Variants in PDZRN4 observed in about 807,000 individuals in gnomAD.
PDZRN4 encodes the protein PDZ domain containing ring finger 4, also known as PDZ domain-containing RING finger protein 4.
PDZRN4 carries 70 observed loss-of-function variants against 99.0 expected under a neutral mutation model. The ratio of observed to expected loss-of-function variants is 0.71; its 90% CI spans 0.58 to 0.86. The LOEUF is 0.86. Among genes scored for constraint, PDZRN4 ranks in the 40% least tolerant of loss-of-function variants. The pLI, the probability that PDZRN4 is intolerant of heterozygous loss-of-function variation, is 0.00. For synonymous variants in PDZRN4, 551 were observed against 501.6 expected (o/e 1.10, Z -1.32); for missense variants, 1,474 against 1,331.2 (o/e 1.11, Z -1.67).
At chr12:41,454,318 T>G (rs1420920071) in intron 3 of PDZRN4, among the ~76,000 whole-genome samples, 1 of 152,244 alleles carries the variant, frequency 6.6e-6, no homozygotes, top group African/African-American at 2.4e-5. Flanking sequence ...GAGATCAGGC[T>G]TCGGTCTCAA....
chr12:41,314,101 C>T (rs1325793253), intron 3 of PDZRN4, among the ~76,000 whole-genome samples: 4 of 152,168 alleles, frequency 2.6e-5, no homozygotes, highest in Non-Finnish European at 5.9e-5. Context: ...ATTAGACAAG[C>T]TCCAGAAATG....
chr12:41,470,655 C>T (rs952135755), intron 3 of PDZRN4, among the ~76,000 whole-genome samples: 1 of 152,172 alleles, frequency 6.6e-6, no homozygotes, highest in Non-Finnish European at 1.5e-5. Context: ...TTCCCCCTCC[C>T]GCCACCCCAC....
At chr12:41,200,250 T>C (rs1212122160) in intron 3 of PDZRN4, among the ~76,000 whole-genome samples, 1 of 152,156 alleles carries the variant, frequency 6.6e-6, no homozygotes, top group African/African-American at 2.4e-5. Flanking sequence ...TGTCACATTG[T>C]CACTCAAAGA....
intron 3 of PDZRN4, among the ~76,000 whole-genome samples, chr12:41,264,034 A>G (rs562567433): frequency 3.3e-5 from 5 of 152,324 alleles, no homozygotes; most frequent in African/African-American, 1.2e-4. Context: ...TTGAAAATAT[A>G]AAAGTATAGT....
intron 3 of PDZRN4, among the ~76,000 whole-genome samples, chr12:41,323,247 C>A (rs183446672): frequency 3.3e-5 from 5 of 151,988 alleles, no homozygotes; most frequent in African/African-American, 1.2e-4. Flanking sequence ...AGAGGACATG[C>A]CTTAAAGGAA....
intron 3 of PDZRN4, among the ~76,000 whole-genome samples, chr12:41,489,603 A>G (rs906972587): frequency 2.0e-5 from 3 of 152,112 alleles, no homozygotes; most frequent in African/African-American, 7.2e-5. Flanking sequence ...TCCTTCTCTA[A>G]ACAAAATTTA....
intron 4 of PDZRN4, 121 bp downstream of exon 4, chr12:41,506,833 G>A (rs11608527): frequency 0.049 from 54,755 of 1,114,952 alleles, 1,709 homozygotes; most frequent in Non-Finnish European, 0.06. Context: ...TCCCAGCTCC[G>A]TTTGGAAAAT....
chr12:41,457,238 A>C (rs1366015266), intron 3 of PDZRN4, among the ~76,000 whole-genome samples: 1 of 152,202 alleles, frequency 6.6e-6, no homozygotes, highest in Non-Finnish European at 1.5e-5. Context: ...AGTATATCAT[A>C]TCCTCCATGA....
intron 3 of PDZRN4, among the ~76,000 whole-genome samples, chr12:41,427,209 A>C (rs537494193): frequency 1.3e-5 from 2 of 152,300 alleles, no homozygotes; most frequent in Admixed American, 1.3e-4. Flanking sequence ...TGATGCTCCA[A>C]AGTATCCATC....
intron 5 of PDZRN4, among the ~76,000 whole-genome samples, chr12:41,531,816 C>A (rs778707996): frequency 6.6e-6 from 1 of 152,016 alleles, no homozygotes; most frequent in Non-Finnish European, 1.5e-5. Flanking sequence ...CTTTTTAGCT[C>A]TTTATATATT....
intron 3 of PDZRN4, among the ~76,000 whole-genome samples, chr12:41,254,277 C>T (rs1046682353): frequency 6.6e-6 from 1 of 152,182 alleles, no homozygotes; most frequent in South Asian, 2.1e-4. Flanking sequence ...TTACACTAAA[C>T]ACTTTATATG....
At chr12:41,469,844 G>A (rs965568091) in intron 3 of PDZRN4, among the ~76,000 whole-genome samples, 1 of 152,062 alleles carries the variant, frequency 6.6e-6, no homozygotes, top group African/African-American at 2.4e-5. Flanking sequence ...GCGGGAGAAT[G>A]GTGTGAACCT....
chr12:41,204,523 G>A (rs1950835641), intron 3 of PDZRN4, among the ~76,000 whole-genome samples: 1 of 151,966 alleles, frequency 6.6e-6, no homozygotes, highest in Admixed American at 6.6e-5. Context: ...GACTGGGGAG[G>A]TCTCAGGAAA....
chr12:41,273,431 T>G (rs1951328798), intron 3 of PDZRN4, among the ~76,000 whole-genome samples: 1 of 151,990 alleles, frequency 6.6e-6, no homozygotes, highest in Non-Finnish European at 1.5e-5. Flanking sequence ...AAAAATGTAT[T>G]CTGAAAAGAA....
intron 3 of PDZRN4, among the ~76,000 whole-genome samples, chr12:41,360,809 C>T (rs1373372255): frequency 6.6e-6 from 1 of 151,990 alleles, no homozygotes; most frequent in Non-Finnish European, 1.5e-5. Flanking sequence ...TCTGAAATAG[C>T]TAATGTCCAT....
intron 3 of PDZRN4, among the ~76,000 whole-genome samples, chr12:41,411,170 G>A (rs1952396855): frequency 6.6e-6 from 1 of 151,804 alleles, no homozygotes; most frequent in South Asian, 2.1e-4. Context: ...CAAAGTGCTA[G>A]GATTATAGGC....
At chr12:41,231,047 G>C (rs575453457) in intron 3 of PDZRN4, among the ~76,000 whole-genome samples, 1 of 152,018 alleles carries the variant, frequency 6.6e-6, no homozygotes, top group African/African-American at 2.4e-5. Context: ...GTGTACACAC[G>C]TGCATGTGTG....
At chr12:41,417,595 G>A (rs767563078) in intron 3 of PDZRN4, among the ~76,000 whole-genome samples, 2 of 152,138 alleles carry the variant, frequency 1.3e-5, no homozygotes, top group Non-Finnish European at 2.9e-5. Context: ...AGGCCACTAA[G>A]GATGCAATGT....
intron 6 of PDZRN4, among the ~76,000 whole-genome samples, chr12:41,553,617 A>G (rs1939096073): frequency 6.6e-6 from 1 of 152,062 alleles, no homozygotes; most frequent in Non-Finnish European, 1.5e-5. Flanking sequence ...TAGCTTGAGC[A>G]CAGTAATTCG....
Sources: gnomAD v4.1 joint callset for allele counts (sites outside exome capture counted in the v4.1 genomes callset) on GRCh38, gnomAD v4.1.1 for gene constraint, MANE v1.5 for transcripts, NCBI Gene and HGNC (gene_info 2026-07-23, HGNC 2026-07-21) for gene names.